PTBP3: variants seen among roughly 807,000 people sequenced by gnomAD.
PTBP3 encodes the protein polypyrimidine tract-binding protein 3.
PTBP3 carries 20 observed loss-of-function variants against 58.7 expected under a neutral mutation model. The ratio of observed to expected loss-of-function variants is 0.34; its 90% CI spans 0.24 to 0.50. The LOEUF is 0.50. Among genes scored for constraint, PTBP3 ranks in the 20% least tolerant of loss-of-function variants. PTBP3 has a pLI of 0.98. For synonymous variants in PTBP3, 185 were observed against 219.8 expected (o/e 0.84, Z 1.40); for missense variants, 509 against 637.2 (o/e 0.80, Z 2.17).
At chr9:112,333,629 G>A, upstream of PTBP3, 1 of 804,750 alleles carries the variant, frequency 1.2e-6, no homozygotes, top group Non-Finnish European at 1.9e-6. Context: ...TGGGAACAGG[G>A]GCGGGGACCG....
At chr9:112,342,120 G>A in the PTBP3 span, among the ~76,000 whole-genome samples, 2 of 152,274 alleles carry the variant, frequency 1.3e-5, no homozygotes, top group East Asian at 3.9e-4. Context: ...TTCTGGAGCT[G>A]GGACACTGTT....
At chr9:112,330,449 C>A (rs776976745) in intron 1 of PTBP3, 1 of 1,521,316 alleles carries the variant, frequency 6.6e-7, no homozygotes, top group Non-Finnish European at 9.0e-7. Context: ...ACCTTTAAAC[C>A]GACTGTTATA....
rs1836410829 is a variant in PTBP3 at position 112,257,313 on chromosome 9, AT to A, written c.517-4526del. On this transcript the variant is annotated intron_variant, in intron 5 of 13. Transcript: ENST00000374257. ...GGAATCTAGGAATGCCTGAGGTGTG[AT>A]TTTTAACACCCTTTCATAATTATCA... is the stretch of plus-strand genomic sequence containing the variant. Among the ~76,000 whole-genome samples the A allele has an allele frequency of 3.9e-5, 6 of 152,322 alleles. No homozygotes were observed. In the South Asian group the frequency reaches 1.2e-3, roughly 32 times the overall value.
chr9:112,272,707 C>T (rs1322114000), intron 3 of PTBP3: 1 of 152,094 alleles, frequency 6.6e-6, no homozygotes, highest in Non-Finnish European at 1.5e-5. Flanking sequence ...CCGGTTCACC[C>T]CTCCTTATGC....
At chr9:112,297,267 C>T (rs1828728952) in intron 2 of PTBP3, among the ~76,000 whole-genome samples, 1 of 152,146 alleles carries the variant, frequency 6.6e-6, no homozygotes, top group Admixed American at 6.5e-5. Context: ...TGCAATGGCA[C>T]GTTTCGGCTC....
At chr9:112,366,298 A>G in the PTBP3 span, among the ~76,000 whole-genome samples, 3 of 151,284 alleles carry the variant, frequency 2.0e-5, no homozygotes, top group African/African-American at 4.9e-5. Flanking sequence ...AAAAAATTGC[A>G]TAAGTAATGA....
At chr9:112,312,519 G>A (rs1173509230) in intron 1 of PTBP3, among the ~76,000 whole-genome samples, 3 of 139,028 alleles carry the variant, frequency 2.2e-5, no homozygotes, top group Non-Finnish European at 4.6e-5. Flanking sequence ...AAAAAAGGAC[G>A]TGTGTGTGTG....
intron 2 of PTBP3, among the ~76,000 whole-genome samples, chr9:112,282,267 C>CT (rs1212125513): frequency 2.0e-5 from 3 of 151,818 alleles, no homozygotes; most frequent in South Asian, 2.1e-4. Flanking sequence ...TGTGTCTTTC[C>CT]TTTTTTTTGA....
At position 112,221,131 on chromosome 9, in the gene PTBP3, C is replaced by G. The variant is rs1834792930; in HGVS notation, c.*2720G>C. The G allele has an allele frequency of 4.1e-6, 4 of 985,642 alleles. No individual in the cohort carries two copies. Among genetic ancestry groups the G allele is most frequent in the Non-Finnish European group, 4.8e-6 (4 of 829,904 alleles). The allele number at this position is 985,642 out of a possible 1,614,324, so 61.1% of individuals were successfully genotyped here. A position where few individuals can be genotyped will look rare whatever the true frequency, so the allele number is the denominator to read the frequency against. On this transcript the variant is annotated 3_prime_UTR_variant, in exon 14 of 14. Coordinates refer to ENST00000374257, the MANE Select transcript of PTBP3 (RefSeq NM_001163788.4). ...TTAGACACAAACTGATGGTTTCAAA[C>G]ATGCTATTTTAAAACAAGAACATCC...
Position 112,233,689 on chromosome 9 carries a change from G to A in PTBP3, c.880+1131C>T, listed in dbSNP as rs146801831. Among the ~76,000 whole-genome samples, 515 of 152,190 alleles carry A rather than the reference G, an allele frequency of 3.4e-3. 11 individuals are homozygous for A. In the South Asian group the frequency reaches 0.051, roughly 15 times the overall value. The stretch of plus-strand genomic sequence containing the variant: ...GCTCACCCTTTAATCCCAGCACTTT[G>A]GGAGGCTGAGGCAGGCTAATCGCTT... On this transcript the variant is annotated intron_variant, in intron 8 of 13. Coordinates refer to ENST00000374257, the MANE Select transcript of PTBP3 (RefSeq NM_001163788.4).
intron 2 of PTBP3, among the ~76,000 whole-genome samples, chr9:112,284,971 G>A (rs943571862): frequency 6.6e-6 from 1 of 152,058 alleles, no homozygotes; most frequent in Middle Eastern, 3.2e-3. Flanking sequence ...ATGTTGGAAT[G>A]AATTAAGACT....
At chr9:112,284,244 T>A (rs1402955521) in intron 2 of PTBP3, among the ~76,000 whole-genome samples, 1 of 150,784 alleles carries the variant, frequency 6.6e-6, no homozygotes, top group Non-Finnish European at 1.5e-5. Flanking sequence ...AAGCCACAGG[T>A]ACTCAACACC....
At chr9:112,310,038 C>T (rs1475834657) in intron 1 of PTBP3, among the ~76,000 whole-genome samples, 1 of 152,222 alleles carries the variant, frequency 6.6e-6, no homozygotes, top group East Asian at 1.9e-4. Flanking sequence ...CTCACATACA[C>T]TGTGGCCCCA....
At chr9:112,276,142 T>C in intron 2 of PTBP3, 129 bp from the exon 3 acceptor site, 1 of 740,462 alleles carries the variant, frequency 1.4e-6, no homozygotes, top group Non-Finnish European at 2.2e-6. Flanking sequence ...GTGGGGCTGA[T>C]GGGGGTAGGT....
intron 1 of PTBP3, chr9:112,330,345 T>A: frequency 3.1e-6 from 3 of 958,542 alleles, no homozygotes; most frequent in Non-Finnish European, 4.8e-6. Flanking sequence ...TTAAAGACTT[T>A]TACACAATAA....
At position 112,249,996 on chromosome 9, in the gene PTBP3, T is replaced by C. The variant is rs76100321; in HGVS notation, c.802+933A>G. On this transcript the variant is annotated intron_variant, in intron 7 of 13. Transcript: ENST00000374257. Reference sequence around the variant, plus strand: ...ATTTTATCAATATTAGAAAGATGCATTGAATCATTCCCTTGGCTTTTTAAA... The same window carrying C: ...ATTTTATCAATATTAGAAAGATGCACTGAATCATTCCCTTGGCTTTTTAAA... Among the ~76,000 whole-genome samples, 1,453 of 152,176 alleles carry C rather than the reference T, an allele frequency of 9.5e-3. 21 individuals carry two copies. Among genetic ancestry groups the C allele is most frequent in the African/African-American group, 0.033 (1,363 of 41,548 alleles).
In PTBP3 at chr9:112,221,851, ACCTC is replaced by A. The variant is rs972290146; in HGVS notation, c.*1996_*1999del. The A allele has an allele frequency of 5.1e-6, 5 of 983,716 alleles. No individual in the cohort carries two copies. Among genetic ancestry groups the A allele is most frequent in the Non-Finnish European group, 6.0e-6 (5 of 828,864 alleles). The allele number at this position is 983,716 out of a possible 1,614,324, so 60.9% of individuals were successfully genotyped here. ...TTTTGGTAAAATTTCTTCTGTAAAA[ACCTC>A]CCTATGTTCAAATTAATCACTGGAA... is the stretch of plus-strand genomic sequence containing the variant. On this transcript the variant is annotated 3_prime_UTR_variant, in exon 14 of 14. Coordinates refer to ENST00000374257, the MANE Select transcript of PTBP3 (RefSeq NM_001163788.4).
chr9:112,373,839 C>G, the PTBP3 span, among the ~76,000 whole-genome samples: 1 of 152,270 alleles, frequency 6.6e-6, no homozygotes, highest in South Asian at 2.1e-4. Flanking sequence ...ATGTTTTTAA[C>G]AAAAGAAGGA....
chr9:112,355,261 G>A, the PTBP3 span, among the ~76,000 whole-genome samples: 1 of 152,126 alleles, frequency 6.6e-6, no homozygotes, highest in African/African-American at 2.4e-5. Flanking sequence ...TGTTGAAGAA[G>A]GAAATTTGAA....
Sources: gnomAD v4.1 joint callset for allele counts (sites outside exome capture counted in the v4.1 genomes callset) on GRCh38, gnomAD v4.1.1 for gene constraint, MANE v1.5 for transcripts, NCBI Gene and HGNC (gene_info 2026-07-23, HGNC 2026-07-21) for gene names.